NKAIN2: variants seen among roughly 807,000 people sequenced by gnomAD.
NKAIN2 encodes the protein sodium/potassium transporting ATPase interacting 2, also known as sodium/potassium-transporting ATPase subunit beta-1-interacting protein 2.
A neutral mutation model predicts 32.6 loss-of-function variants in NKAIN2; 14 were observed. The observed-to-expected ratio is 0.43, with a 90% CI of 0.28 to 0.67. NKAIN2 has a LOEUF of 0.67. NKAIN2 is among the 30% of genes least tolerant of loss of function. The pLI, the probability that NKAIN2 is intolerant of heterozygous loss-of-function variation, is 0.17. For missense variants in NKAIN2, 198 were observed against 258.3 expected, an observed-to-expected ratio of 0.77 and a Z score of 1.60; for synonymous variants, 80 against 87.2, an observed-to-expected ratio of 0.92 and a Z score of 0.46.
At chr6:124,794,674 G>A (rs1779921688) in intron 5 of NKAIN2, among the ~76,000 whole-genome samples, 1 of 152,148 alleles carries the variant, frequency 6.6e-6, no homozygotes, top group South Asian at 2.1e-4. Flanking sequence ...AAACAGGTGG[G>A]AGGAGATGTT....
intron 1 of NKAIN2, among the ~76,000 whole-genome samples, chr6:124,216,415 A>G (rs977376516): frequency 6.6e-6 from 1 of 152,200 alleles, no homozygotes; most frequent in Non-Finnish European, 1.5e-5. Context: ...GCACTTTTGC[A>G]GGCATTCACA....
At chr6:124,546,399 A>C (rs1780095621) in intron 3 of NKAIN2, among the ~76,000 whole-genome samples, 1 of 152,152 alleles carries the variant, frequency 6.6e-6, no homozygotes, top group Admixed American at 6.6e-5. Context: ...CAAAAAGGAC[A>C]TGTCCTCAAA....
At chr6:124,539,471 A>G (rs1233576969) in intron 3 of NKAIN2, among the ~76,000 whole-genome samples, 3 of 152,126 alleles carry the variant, frequency 2.0e-5, no homozygotes, top group Admixed American at 1.3e-4. Flanking sequence ...ATACAAGTTA[A>G]TCAAATTAAT....
At chr6:124,415,499 A>G (rs1178368482) in intron 3 of NKAIN2, among the ~76,000 whole-genome samples, 1 of 152,236 alleles carries the variant, frequency 6.6e-6, no homozygotes, top group East Asian at 1.9e-4. Flanking sequence ...AAGTATCCAG[A>G]AGCTCTGTGA....
rs1249637831 is a variant in NKAIN2, at chr6:124,481,403, G to A, written c.273+126056G>A. On this transcript the variant is annotated intron_variant, in intron 3 of 6. Transcript: ENST00000368417. ...AAAATTATTTTATTCCATAAACACA[G>A]ATATTATTACTCTCTACAAAATTGT... is the stretch of plus-strand genomic sequence containing the variant. Among the ~76,000 whole-genome samples, 3 of 151,750 alleles carry A rather than the reference G, an allele frequency of 2.0e-5. No individual in the cohort carries two copies. In the East Asian group the frequency reaches 5.8e-4, roughly 29 times the overall value.
At chr6:124,699,825 A>T (rs1340341227) in intron 4 of NKAIN2, among the ~76,000 whole-genome samples, 1 of 152,192 alleles carries the variant, frequency 6.6e-6, no homozygotes, top group Non-Finnish European at 1.5e-5. Flanking sequence ...TAGCAATGCA[A>T]AAACGGACTA....
chr6:123,930,680 C>T (rs764963571), intron 1 of NKAIN2, among the ~76,000 whole-genome samples: 18 of 152,164 alleles, frequency 1.2e-4, no homozygotes, highest in African/African-American at 4.3e-4. Context: ...GGAATCTTCC[C>T]CTGATATGTT....
Position 124,476,065 on chromosome 6 carries a change from A to AGAGTGTGT in NKAIN2, c.273+120719_273+120720insAGTGTGTG, listed in dbSNP as rs1487948768. On this transcript the variant is annotated intron_variant, in intron 3 of 6. Transcript: ENST00000368417. ...GTGTGTGTGAGAGAGAGAGAGAGAG[A>AGAGTGTGT]GTGTGTGTGTGTGTGTGTGTGTGTG... Among the ~76,000 whole-genome samples, 61 of 132,548 alleles carry AGAGTGTGT rather than the reference A, an allele frequency of 4.6e-4. 1 individual carries two copies. Among genetic ancestry groups the AGAGTGTGT allele is most frequent in the African/African-American group, 1.7e-3 (59 of 34,790 alleles). 87.0% of individuals were successfully genotyped at this position (132,548 alleles called of 152,430 possible).
intron 1 of NKAIN2, among the ~76,000 whole-genome samples, chr6:124,245,413 G>A (rs995577247): frequency 2.0e-5 from 3 of 151,992 alleles, no homozygotes; most frequent in Non-Finnish European, 2.9e-5. Context: ...CATAGAATTT[G>A]GAATCCACAG....
At chr6:124,189,922 TG>T (rs1271030468) in intron 1 of NKAIN2, among the ~76,000 whole-genome samples, 1 of 152,246 alleles carries the variant, frequency 6.6e-6, no homozygotes, top group Non-Finnish European at 1.5e-5. Flanking sequence ...TTTGGTACTT[TG>T]ATGTCTGTAT....
At chr6:124,032,994 C>T (rs999125765) in intron 1 of NKAIN2, among the ~76,000 whole-genome samples, 2 of 152,036 alleles carry the variant, frequency 1.3e-5, no homozygotes, top group African/African-American at 4.8e-5. Context: ...AACCAGACTA[C>T]ATGTTTTAGT....
chr6:124,441,965 G>A (rs1583259156), intron 3 of NKAIN2, among the ~76,000 whole-genome samples: 1 of 152,020 alleles, frequency 6.6e-6, no homozygotes, highest in Admixed American at 6.6e-5. Flanking sequence ...ATGGGCCCAT[G>A]TACATTTACA....
intron 1 of NKAIN2, among the ~76,000 whole-genome samples, chr6:124,206,597 G>A (rs1055325746): frequency 6.6e-6 from 1 of 151,776 alleles, no homozygotes; most frequent in Admixed American, 6.6e-5. Flanking sequence ...TTTTCCCCCT[G>A]AACTTGAATC....
chr6:124,741,396 A>T (rs1039409707), intron 4 of NKAIN2, among the ~76,000 whole-genome samples: 3 of 151,988 alleles, frequency 2.0e-5, no homozygotes, highest in Non-Finnish European at 4.4e-5. Context: ...TGAATGTAGA[A>T]ATCCAGTAGA....
intron 1 of NKAIN2, among the ~76,000 whole-genome samples, chr6:123,960,256 C>A (rs185640445): frequency 6.6e-6 from 1 of 152,082 alleles, no homozygotes; most frequent in African/African-American, 2.4e-5. Flanking sequence ...CATCAGGTTG[C>A]GGTCTCTGGT....
chr6:124,518,728 A>G (rs1289999995), intron 3 of NKAIN2, among the ~76,000 whole-genome samples: 1 of 152,216 alleles, frequency 6.6e-6, no homozygotes, highest in East Asian at 1.9e-4. Flanking sequence ...TCAACAAGTT[A>G]CAACACAAAT....
intron 3 of NKAIN2, among the ~76,000 whole-genome samples, chr6:124,486,974 G>A (rs1052265456): frequency 6.6e-6 from 1 of 152,144 alleles, no homozygotes; most frequent in Admixed American, 6.6e-5. Flanking sequence ...AGTGTAAACA[G>A]TTGGCTCGAG....
At chr6:124,411,404 T>G (rs879784818) in intron 3 of NKAIN2, among the ~76,000 whole-genome samples, 315 of 152,300 alleles carry the variant, frequency 2.1e-3, no homozygotes, top group Admixed American at 3.8e-3. Flanking sequence ...CAGCATTTGC[T>G]TGTCTGTAAA....
chr6:124,109,644 T>G (rs185287122), intron 1 of NKAIN2, among the ~76,000 whole-genome samples: 6 of 152,222 alleles, frequency 3.9e-5, no homozygotes, highest in African/African-American at 1.4e-4. Flanking sequence ...TCTAGTAATA[T>G]TCTGAAAGAA....
Sources: gnomAD v4.1 joint callset for allele counts (sites outside exome capture counted in the v4.1 genomes callset) on GRCh38, gnomAD v4.1.1 for gene constraint, MANE v1.5 for transcripts, NCBI Gene and HGNC (gene_info 2026-07-23, HGNC 2026-07-21) for gene names.